The following HID1 variants were observed in gnomAD, a reference collection of about 807,000 sequenced individuals.
HID1 encodes protein HID1.
HID1 carries 42 observed loss-of-function variants against 89.7 expected under a neutral mutation model. The ratio of observed to expected loss-of-function variants is 0.47; its 90% CI spans 0.37 to 0.61. The LOEUF is 0.61. Among genes scored for constraint, HID1 ranks in the 20% least tolerant of loss-of-function variants. The pLI is 0.00. For missense variants in HID1, 854 were observed against 1,039.3 expected (o/e 0.82, Z 2.45); for synonymous variants, 442 against 433.8 (o/e 1.02, Z -0.24).
intron 1 of HID1, among the ~76,000 whole-genome samples, chr17:74,969,347 G>A (rs778977581): frequency 2.0e-5 from 3 of 151,888 alleles, no homozygotes; most frequent in Non-Finnish European, 4.4e-5. Flanking sequence ...CACGACGCCC[G>A]GCTAATTTTT....
chr17:74,961,141 A>G (rs1424689912), intron 6 of HID1, among the ~76,000 whole-genome samples: 1 of 152,206 alleles, frequency 6.6e-6, no homozygotes, highest in Admixed American at 6.5e-5. Context: ...TACACACTGG[A>G]TTTTGAAAAC....
chr17:74,958,596 G>A lies in HID1; in HGVS notation c.1240+77C>T. The A allele has an allele frequency of 1.3e-6, 2 of 1,588,556 alleles. No individual in the cohort carries two copies. The highest frequency in any genetic ancestry group is 1.7e-5 in the Admixed American group (1 of 59,626). The stretch of plus-strand genomic sequence containing the variant: ...TCAGAGTGCCAGGCCTGAGCTCCTG[G>A]GAGTCAGGGCAGATAGCCAGCCCTC... On this transcript the variant is annotated intron_variant, in intron 10 of 18. Transcript: ENST00000425042. This position sits in a 1 kb window ranked among gnomAD's most constrained non-coding sequence, Gnocchi z 5.2.
At chr17:74,967,255 A>G (rs2039576703) in intron 1 of HID1, among the ~76,000 whole-genome samples, 1 of 148,158 alleles carries the variant, frequency 6.7e-6, no homozygotes, top group South Asian at 2.1e-4. Flanking sequence ...TAATAATAAT[A>G]ATAGGCCAGG....
rs1598622687 is a variant in HID1, at chr17:74,958,512, T to G, written c.1241-34A>C. On this transcript the variant is annotated intron_variant, in intron 10 of 18. Coordinates refer to ENST00000425042, the MANE Select transcript of HID1 (RefSeq NM_030630.3). This position sits in a 1 kb window ranked among gnomAD's most constrained non-coding sequence, Gnocchi z 5.2. ...GGTGGCGTGGGAGGGGTCACTCGGGTGGGAGGGGGAAGGAGGGGCCCAGGC... is the reference window on the plus strand; with the variant it reads ...GGTGGCGTGGGAGGGGTCACTCGGGGGGGAGGGGGAAGGAGGGGCCCAGGC... 1 of 1,572,894 alleles carries G rather than the reference T, an allele frequency of 6.4e-7. No homozygotes were observed. Among genetic ancestry groups the G allele is most frequent in the Non-Finnish European group, 8.6e-7 (1 of 1,159,752 alleles).
chr17:74,955,917 T>C lies in HID1; in HGVS notation c.1511A>G (p.Asn504Ser), dbSNP rs2039382861. 2.5e-6 allele frequency: 4 copies of C among 1,614,124 alleles called. No individual in the cohort carries two copies. Among genetic ancestry groups the C allele is most frequent in the Non-Finnish European group, 3.4e-6 (4 of 1,179,986 alleles). The part of the protein sequence containing the change: ...YLKSLSMVTA[N>S]KLLHLLEAFS... ...GGCCTCCAGCAGGTGCAGCAACTTG[T>C]TGGCAGTCACCATGGACAGGCTCTT... The change falls in exon 13 of 19, where the codon AAC becomes AGC. Residue 504 changes from asparagine (N) to serine (S), a missense_variant. Coordinates refer to ENST00000425042, the MANE Select transcript of HID1 (RefSeq NM_030630.3).
chr17:74,952,206 ACCGGCCCCGCCCACAACC>A (rs1015719756), intron 17 of HID1, 45 bp downstream of exon 17: 149 of 1,536,526 alleles, frequency 9.7e-5, no homozygotes, highest in African/African-American at 5.6e-4. Context: ...TGCCCACACC[ACCGGCCCCGCCCACAACC>A]CCGGCCCCGC....
At position 74,951,081 on chromosome 17, in the gene HID1, C is replaced by A. The variant is rs1204030446; in HGVS notation, c.*489G>T. On this transcript the variant is annotated 3_prime_UTR_variant, in exon 19 of 19. Coordinates refer to ENST00000425042, the MANE Select transcript of HID1 (RefSeq NM_030630.3). ...GCCAGCTCCCAGCCTCCTCGAGGAG[C>A]AGCCTGGCCACACCTTTTTCCCCTG... The A allele has an allele frequency of 6.4e-6, 1 of 155,488 alleles. No individual in the cohort carries two copies. The highest frequency in any genetic ancestry group is 2.4e-5 in the African/African-American group (1 of 41,586). 9.6% of individuals were successfully genotyped at this position (155,488 alleles called of 1,614,324 possible).
Position 74,951,329 on chromosome 17 carries a change from C to G in HID1, c.*241G>C. 1 of 573,198 alleles carries G rather than the reference C, an allele frequency of 1.7e-6. No homozygotes were observed. Among genetic ancestry groups the G allele is most frequent in the Non-Finnish European group, 3.1e-6 (1 of 322,730 alleles). 35.5% of individuals were successfully genotyped at this position (573,198 alleles called of 1,614,324 possible). On this transcript the variant is annotated 3_prime_UTR_variant, in exon 19 of 19. Coordinates refer to ENST00000425042, the MANE Select transcript of HID1 (RefSeq NM_030630.3). ...GAGTCCGAGTGTTGGGGGCAGTGGTCTCTGGTGGGGGCATAGCCCCAGAGA... is the reference window on the plus strand; with the variant it reads ...GAGTCCGAGTGTTGGGGGCAGTGGTGTCTGGTGGGGGCATAGCCCCAGAGA...
chr17:74,954,587 C>T, intron 13 of HID1: 2 of 732,138 alleles, frequency 2.7e-6, no homozygotes, highest in Non-Finnish European at 4.4e-6. Context: ...GAGCACCTCA[C>T]AACACCCCCG....
rs374922507 is a variant in HID1 at position 74,958,517 on chromosome 17, G to A, written c.1241-39C>T. 246 of 1,571,512 alleles carry A rather than the reference G, an allele frequency of 1.6e-4. No homozygotes were observed. Among genetic ancestry groups the A allele is most frequent in the Admixed American group, 4.5e-4 (24 of 53,278 alleles). Reference sequence around the variant, plus strand: ...CGTGGGAGGGGTCACTCGGGTGGGAGGGGGAAGGAGGGGCCCAGGCAGTGA... The same window carrying A: ...CGTGGGAGGGGTCACTCGGGTGGGAAGGGGAAGGAGGGGCCCAGGCAGTGA... On this transcript the variant is annotated intron_variant, in intron 10 of 18. Transcript: ENST00000425042. The surrounding 1 kb of genome is among the most constrained non-coding windows in gnomAD (Gnocchi z 5.2).
Position 74,951,647 on chromosome 17 carries a change from G to T in HID1, c.2304-14C>A. 6.2e-7 allele frequency: 1 copy of T among 1,610,140 alleles called. No homozygotes were observed. The highest frequency in any genetic ancestry group is 2.2e-5 in the East Asian group (1 of 44,792). ...GGGTCCACATTCCTGTGGAGGAAATGGGGGGTTACCCAGGTGCTGGGGCAC... is the reference window on the plus strand; with the variant it reads ...GGGTCCACATTCCTGTGGAGGAAATTGGGGGTTACCCAGGTGCTGGGGCAC... On this transcript the variant is annotated splice_polypyrimidine_tract_variant and intron_variant, in intron 18 of 18. Coordinates refer to ENST00000425042, the MANE Select transcript of HID1 (RefSeq NM_030630.3).
In HID1 at chr17:74,966,197, T is replaced by C. The variant is rs567580672; in HGVS notation, c.67-1565A>G. 6.2e-5 allele frequency among the ~76,000 whole-genome samples: 9 copies of C among 145,494 alleles called. No homozygotes were observed. In the East Asian group the frequency reaches 1.8e-3, roughly 29 times the overall value. Reference sequence around the variant, plus strand: ...CTACTCAGGAGGCTGAGGCAGAGAATTGCTTGAACCCAGGAGGCAGAGGTC... The same window carrying C: ...CTACTCAGGAGGCTGAGGCAGAGAACTGCTTGAACCCAGGAGGCAGAGGTC... On this transcript the variant is annotated intron_variant, in intron 1 of 18. Coordinates refer to ENST00000425042, the MANE Select transcript of HID1 (RefSeq NM_030630.3).
chr17:74,954,465 G>C, intron 13 of HID1, 100 bp from the exon 14 acceptor site: 9 of 1,534,560 alleles, frequency 5.9e-6, no homozygotes, highest in Non-Finnish European at 7.0e-6. Flanking sequence ...GAGGACAGGA[G>C]GGTGTCTGCC....
intron 15 of HID1, 134 bp downstream of exon 15, chr17:74,953,411 A>T: frequency 2.9e-6 from 2 of 688,592 alleles, no homozygotes; most frequent in Non-Finnish European, 4.9e-6. Context: ...CGCTGACCCT[A>T]ATGCCCTGGG....
Position 74,958,071 on chromosome 17 carries a change from G to A in HID1, c.1471+70C>T. The stretch of plus-strand genomic sequence containing the variant: ...TGGAGGGGCTTGAAACCTGGAGCAA[G>A]TGGCAGGTTGGCCTGTGGCCTGACA... On this transcript the variant is annotated intron_variant, in intron 12 of 18. Coordinates refer to ENST00000425042, the MANE Select transcript of HID1 (RefSeq NM_030630.3). The surrounding 1 kb of genome is among the most constrained non-coding windows in gnomAD (Gnocchi z 5.2). 7.1e-7 allele frequency: 1 copy of A among 1,407,738 alleles called. No individual in the cohort carries two copies. The highest frequency in any genetic ancestry group is 2.5e-5 in the East Asian group (1 of 40,316). 87.2% of individuals were successfully genotyped at this position (1,407,738 alleles called of 1,614,324 possible). A position where few individuals can be genotyped will look rare whatever the true frequency, so the allele number is the denominator to read the frequency against.
intron 1 of HID1, among the ~76,000 whole-genome samples, chr17:74,965,494 A>G (rs1397674657): frequency 6.6e-6 from 1 of 152,186 alleles, no homozygotes; most frequent in African/African-American, 2.4e-5. Flanking sequence ...ACCTGCATTT[A>G]CTACTCCAGG....
rs989653979 is a variant in HID1, at chr17:74,972,741, C to A, written c.-85G>T. 3 of 1,321,080 alleles carry A rather than the reference C, an allele frequency of 2.3e-6. No homozygotes were observed. The highest frequency in any genetic ancestry group is 3.0e-6 in the Non-Finnish European group (3 of 988,994). 81.8% of individuals were successfully genotyped at this position (1,321,080 alleles called of 1,614,324 possible). A position where few individuals can be genotyped will look rare whatever the true frequency, so the allele number is the denominator to read the frequency against. ...GCTCCGGCTCCAGCTCCGCGGCCCC[C>A]GCGGCTCTCGCAGGAGACAAGCGGC... On this transcript the variant is annotated 5_prime_UTR_variant, in exon 1 of 19. Coordinates refer to ENST00000425042, the MANE Select transcript of HID1 (RefSeq NM_030630.3). This position sits in a 1 kb window ranked among gnomAD's most constrained non-coding sequence, Gnocchi z 6.4.
chr17:74,963,197 G>A, intron 3 of HID1, 116 bp from the exon 4 acceptor site: 1 of 673,206 alleles, frequency 1.5e-6, no homozygotes, highest in African/African-American at 1.8e-5. Context: ...CATGGGCAGA[G>A]GAATGAAGGG....
rs747727932 is a variant in HID1, at chr17:74,959,980, C to T, written c.952-43G>A. 6.8e-6 allele frequency: 11 copies of T among 1,613,398 alleles called. No homozygotes were observed. In the Admixed American group the frequency reaches 1.5e-4, roughly 22 times the overall value. ...CCCTGGTGAGCAGGCGTCCTCCCCA[C>T]AACCCGTGGCCCCGGCAGCTGTCCC... On this transcript the variant is annotated intron_variant, in intron 7 of 18. Coordinates refer to ENST00000425042, the MANE Select transcript of HID1 (RefSeq NM_030630.3). This position sits in a 1 kb window ranked among gnomAD's most constrained non-coding sequence, Gnocchi z 4.6.
Sources: allele counts gnomAD v4.1 joint callset (sites outside exome capture counted in the v4.1 genomes callset), GRCh38; gene constraint gnomAD v4.1.1; non-coding constraint Gnocchi (gnomAD v3.1); transcripts MANE v1.5; gene names NCBI Gene and HGNC (gene_info 2026-07-23, HGNC 2026-07-21).